The following RAI1 variants were observed in gnomAD, a reference collection of about 807,000 sequenced individuals.
RAI1 encodes retinoic acid-induced protein 1.
RAI1 carries 9 observed loss-of-function variants against 123.8 expected under a neutral mutation model. The ratio of observed to expected loss-of-function variants is 0.07; its 90% CI spans 0.04 to 0.13. The LOEUF (loss-of-function observed/expected upper bound fraction) is 0.13. RAI1 is among the 10% of genes least tolerant of loss of function. The probability of loss-of-function intolerance (pLI) is 1.00; values close to 1 mark genes in which losing one functional copy is unlikely to be tolerated. For missense variants in RAI1, 2,256 were observed against 2,545.8 expected, an observed-to-expected ratio of 0.89 and a Z score of 2.45; for synonymous variants, 1,231 against 1,127.3, an observed-to-expected ratio of 1.09 and a Z score of -1.84.
chr17:17,793,568 C>G lies in RAI1; in HGVS notation c.620C>G (p.Thr207Ser), dbSNP rs1468949331. The change falls in exon 3 of 6, where the codon ACC becomes AGC. Residue 207 changes from threonine to serine, a missense_variant. Physicochemically the swap from Thr to Ser is moderately conservative, Grantham distance 58. Around this residue, in one of 7 missense-constraint regions of RAI1, gnomAD observed 336 missense variants for 349.8 expected, o/e 0.96. Transcript: ENST00000353383. ...IASPLPFPQG[T>S]HFPQHSQSFP... The stretch of plus-strand genomic sequence containing the variant: ...TCCCCTCTGCCCTTCCCCCAGGGTA[C>G]CCACTTTCCTCAGCATTCCCAGTCC... The G allele has an allele frequency of 6.2e-7, 1 of 1,613,882 alleles. No homozygotes were observed. The highest frequency in any genetic ancestry group is 8.5e-7 in the Non-Finnish European group (1 of 1,179,990).
intron 1 of RAI1, among the ~76,000 whole-genome samples, chr17:17,718,312 G>C (rs1240485321): frequency 6.6e-6 from 1 of 152,292 alleles, no homozygotes; most frequent in South Asian, 2.1e-4. Flanking sequence ...TTCCAAAAAT[G>C]TAAGAGAACT....
At chr17:17,765,142 AT>A (rs1351694359) in intron 2 of RAI1, among the ~76,000 whole-genome samples, 1 of 152,186 alleles carries the variant, frequency 6.6e-6, no homozygotes, top group Non-Finnish European at 1.5e-5. Flanking sequence ...TCTCTCAAAC[AT>A]TTTTTTGAAA....
chr17:17,696,006 C>T (rs908837862), intron 1 of RAI1, among the ~76,000 whole-genome samples: 44 of 152,176 alleles, frequency 2.9e-4, no homozygotes, highest in African/African-American at 1.0e-3. Flanking sequence ...GGCTGAGAAT[C>T]GGCTACAGTT....
At chr17:17,783,895 T>A (rs1180272435) in intron 2 of RAI1, among the ~76,000 whole-genome samples, 1 of 151,906 alleles carries the variant, frequency 6.6e-6, no homozygotes, top group African/African-American at 2.4e-5. Context: ...CGAAGTCAGC[T>A]TGCCAACTGG....
chr17:17,788,845 C>T (rs866367536), intron 2 of RAI1, among the ~76,000 whole-genome samples: 1 of 152,202 alleles, frequency 6.6e-6, no homozygotes, highest in Non-Finnish European at 1.5e-5. Context: ...CTGGCCTACA[C>T]TGTGCCCATT....
At chr17:17,758,727 C>T (rs903809786) in intron 2 of RAI1, among the ~76,000 whole-genome samples, 1 of 152,202 alleles carries the variant, frequency 6.6e-6, no homozygotes, top group Non-Finnish European at 1.5e-5. Context: ...AACGTATGTA[C>T]GAGGAGCATA....
chr17:17,782,486 C>T (rs951852927), intron 2 of RAI1, among the ~76,000 whole-genome samples: 2 of 151,748 alleles, frequency 1.3e-5, no homozygotes, highest in African/African-American at 4.8e-5. Flanking sequence ...CCTCTGCACC[C>T]GGTCGGTGGG....
intron 2 of RAI1, among the ~76,000 whole-genome samples, chr17:17,750,635 C>T (rs1317119839): frequency 4.3e-5 from 6 of 139,986 alleles, no homozygotes; most frequent in African/African-American, 1.6e-4. Flanking sequence ...GCAGGAGAAT[C>T]GCTTGAACCT....
At chr17:17,709,198 C>T (rs1324637544) in intron 1 of RAI1, among the ~76,000 whole-genome samples, 4 of 152,318 alleles carry the variant, frequency 2.6e-5, no homozygotes, top group African/African-American at 9.6e-5. Flanking sequence ...CCAAGGAGGG[C>T]GTAGCATCTG....
chr17:17,732,858 T>C (rs910006867), intron 2 of RAI1, among the ~76,000 whole-genome samples: 4 of 152,172 alleles, frequency 2.6e-5, no homozygotes, highest in Admixed American at 2.6e-4. Flanking sequence ...TCCTCTGCCA[T>C]CTCTTCCACA....
In RAI1 at chr17:17,781,395, CTG is replaced by C. The variant is rs146119692; in HGVS notation, c.-16-11537_-16-11536del. Among the ~76,000 whole-genome samples the C allele has an allele frequency of 2.5e-3, 387 of 152,372 alleles. 2 individuals carry two copies. Among genetic ancestry groups the C allele is most frequent in the African/African-American group, 8.8e-3 (365 of 41,590 alleles). On this transcript the variant is annotated intron_variant, in intron 2 of 5. Transcript: ENST00000353383. ...TCCAGTCAAAGCCCCAGGGGGGCCT[CTG>C]AGCTCAGTCAGCTCCTCTGCTGCTC...
Position 17,797,443 on chromosome 17 carries a change from C to T in RAI1, c.4495C>T (p.Pro1499Ser), listed in dbSNP as rs1453360018. ...EDNSGGGGKK[P>S]KMEELGLASQ... ...CAACTCTGGTGGAGGAGGCAAGAAG[C>T]CAAAGATGGAGGAGCTGGGCCTGGC... The change falls in exon 3 of 6, where the codon CCA (proline) becomes TCA (serine). Residue 1499 changes from proline to serine, a missense_variant. Physicochemically the swap from Pro to Ser is moderately conservative, Grantham distance 74 (BLOSUM62 -1). Coordinates refer to ENST00000353383, the MANE Select transcript of RAI1 (RefSeq NM_030665.4). The T allele has an allele frequency of 6.2e-7, 1 of 1,613,392 alleles. No homozygotes were observed. The highest frequency in any genetic ancestry group is 2.2e-5 in the East Asian group (1 of 44,848).
At chr17:17,787,931 C>T (rs1479241004) in intron 2 of RAI1, among the ~76,000 whole-genome samples, 1 of 152,140 alleles carries the variant, frequency 6.6e-6, no homozygotes, top group Admixed American at 6.5e-5. Flanking sequence ...GGGGAGGCTC[C>T]TCAAACATCT....
At position 17,797,352 on chromosome 17, in the gene RAI1, T is replaced by C. The variant is rs771102459; in HGVS notation, c.4404T>C (p.Tyr1468=). ...LSKGPLEKRP[Y]LGPALLLTPR... Reference sequence around the variant, plus strand: ...AAGGCCCGCTGGAGAAGCGGCCCTATCTTGGCCCGGCTCTGCTCCTGACTC... The same window carrying C: ...AAGGCCCGCTGGAGAAGCGGCCCTACCTTGGCCCGGCTCTGCTCCTGACTC... The change falls in exon 3 of 6, where the codon TAT becomes TAC. Residue 1468 remains tyrosine, a synonymous_variant. Coordinates refer to ENST00000353383, the MANE Select transcript of RAI1 (RefSeq NM_030665.4). 2 of 1,612,152 alleles carry C rather than the reference T, an allele frequency of 1.2e-6. No homozygotes were observed. Among genetic ancestry groups the C allele is most frequent in the South Asian group, 1.1e-5 (1 of 91,044 alleles).
At chr17:17,695,226 C>T (rs1225687844) in intron 1 of RAI1, among the ~76,000 whole-genome samples, 1 of 152,120 alleles carries the variant, frequency 6.6e-6, no homozygotes, top group Non-Finnish European at 1.5e-5. Context: ...CTACCCTTTG[C>T]CCTAGGGCAG....
chr17:17,698,765 C>A (rs916537560), intron 1 of RAI1, among the ~76,000 whole-genome samples: 1 of 152,094 alleles, frequency 6.6e-6, no homozygotes, highest in Non-Finnish European at 1.5e-5. Flanking sequence ...TTTTCTTTGG[C>A]GCTGTGACTC....
chr17:17,805,831 A>G (rs2143005623), intron 4 of RAI1, among the ~76,000 whole-genome samples: 1 of 152,314 alleles, frequency 6.6e-6, no homozygotes, highest in Admixed American at 6.5e-5. Context: ...CGCACTCCCC[A>G]TAATAGCTGC....
chr17:17,698,293 G>A (rs1915101538), intron 1 of RAI1, among the ~76,000 whole-genome samples: 1 of 152,180 alleles, frequency 6.6e-6, no homozygotes, highest in South Asian at 2.1e-4. Flanking sequence ...ATTGGGCTGG[G>A]GTTTGTCTCC....
intron 1 of RAI1, among the ~76,000 whole-genome samples, chr17:17,689,152 T>C (rs1914753662): frequency 6.6e-6 from 1 of 151,620 alleles, no homozygotes; most frequent in African/African-American, 2.4e-5. Context: ...GAGATGGTGT[T>C]TCACCATGTT....
Sources: gnomAD v4.1 joint callset for allele counts (sites outside exome capture counted in the v4.1 genomes callset) on GRCh38, gnomAD v4.1.1 for gene constraint, gnomAD v4.1.1 regional missense constraint, MANE v1.5 for transcripts, NCBI Gene and HGNC (gene_info 2026-07-23, HGNC 2026-07-21) for gene names.